The following ITGB4 variants were observed in gnomAD, a reference collection of about 807,000 sequenced individuals.
ITGB4 encodes the protein integrin subunit beta 4, also known as integrin beta-4.
ITGB4 carries 159 observed loss-of-function variants against 207.6 expected under a neutral mutation model. The observed-to-expected ratio is 0.77, with a 90% CI of 0.67 to 0.87. ITGB4 has a LOEUF of 0.87. ITGB4 is among the 40% of genes least tolerant of loss of function. ITGB4 has a pLI of 0.00. For synonymous variants in ITGB4, 1,020 were observed against 1,062.7 expected, an observed-to-expected ratio of 0.96 and a Z score of 0.78; for missense variants, 2,278 against 2,546.8, an observed-to-expected ratio of 0.89 and a Z score of 2.27.
At chr17:75,754,842 C>A (rs2061451994) in intron 34 of ITGB4, 27 bp downstream of exon 34, 1 of 1,613,862 alleles carries the variant, frequency 6.2e-7, no homozygotes, top group African/African-American at 1.3e-5. Flanking sequence ...AACCCTGCCT[C>A]TCCCACTAAC....
chr17:75,728,228 C>A, intron 5 of ITGB4, 149 bp from the exon 6 acceptor site: 1 of 698,558 alleles, frequency 1.4e-6, no homozygotes, highest in South Asian at 1.6e-5. Context: ...TAAATAGGAA[C>A]AGACAATGTT....
rs1325371277 is a variant in ITGB4 at position 75,739,063 on chromosome 17, A to G, written c.2221-609A>G. ...GTAACCCCAGCACTTTGGGAGGCCA[A>G]GGCGGGTGGATCACTTGAGGTCAGG... On this transcript the variant is annotated intron_variant, in intron 18 of 39. Coordinates refer to ENST00000200181, the MANE Select transcript of ITGB4 (RefSeq NM_000213.5). The surrounding 1 kb of genome is among the most constrained non-coding windows in gnomAD (Gnocchi z 5.4). Among the ~76,000 whole-genome samples the G allele has an allele frequency of 2.0e-5, 3 of 152,158 alleles. No homozygotes were observed. The highest frequency in any genetic ancestry group is 2.4e-5 in the African/African-American group (1 of 41,430).
intron 33 of ITGB4, among the ~76,000 whole-genome samples, 162 bp downstream of exon 33, chr17:75,754,136 AG>A (rs1388424649): frequency 6.6e-6 from 1 of 152,112 alleles, no homozygotes; most frequent in Admixed American, 6.5e-5. Flanking sequence ...GCCCAGTGCC[AG>A]GGGACGCGTG....
intron 1 of ITGB4, among the ~76,000 whole-genome samples, chr17:75,723,469 C>T (rs550177135): frequency 2.0e-5 from 3 of 152,286 alleles, no homozygotes; most frequent in East Asian, 1.9e-4. Context: ...GGCTACACCC[C>T]GAGGCTGCAA....
chr17:75,727,712 G>T lies in ITGB4; in HGVS notation c.326G>T (p.Arg109Leu), dbSNP rs1049605905. 6.2e-7 allele frequency: 1 copy of T among 1,613,204 alleles called. No individual in the cohort carries two copies. The highest frequency in any genetic ancestry group is 1.1e-5 in the South Asian group (1 of 90,940). ...ATGTCCCCCCAAGGCCTGCGGGTCC[G>T]TCTGCGGCCCGGTGAGGAGCGGCAT... is the stretch of plus-strand genomic sequence containing the variant. ...SQMSPQGLRV[R>L]LRPGEERHFE... The change falls in exon 5 of 40, where the codon CGT (arginine) becomes CTT (leucine). Residue 109 changes from arginine to leucine, a missense_variant. Transcript: ENST00000200181. The surrounding 1 kb of genome is among the most constrained non-coding windows in gnomAD (Gnocchi z 6.0).
chr17:75,751,136 G>A, intron 30 of ITGB4, 25 bp downstream of exon 30: 1 of 1,611,274 alleles, frequency 6.2e-7, no homozygotes, highest in Non-Finnish European at 8.5e-7. Context: ...CTTCTTTCCT[G>A]CCCACAGGGA....
chr17:75,740,111 C>A lies in ITGB4; in HGVS notation c.2446+40C>A. The A allele has an allele frequency of 6.4e-7, 1 of 1,573,726 alleles. No individual in the cohort carries two copies. Among genetic ancestry groups the A allele is most frequent in the Non-Finnish European group, 8.6e-7 (1 of 1,157,848 alleles). ...GGGCGCCACAGCTCTGGGCAGTGCC[C>A]TTCGGGCCCTCTGTTCCAGATCTGG... On this transcript the variant is annotated intron_variant, in intron 20 of 39. Coordinates refer to ENST00000200181, the MANE Select transcript of ITGB4 (RefSeq NM_000213.5). This position sits in a 1 kb window ranked among gnomAD's most constrained non-coding sequence, Gnocchi z 5.9.
chr17:75,744,219 C>A (rs1204184927), intron 26 of ITGB4, among the ~76,000 whole-genome samples: 1 of 149,926 alleles, frequency 6.7e-6, no homozygotes, highest in Non-Finnish European at 1.5e-5. Context: ...CTCTCGGGTT[C>A]AAGCGATTCT....
At position 75,729,767 on chromosome 17, in the gene ITGB4, G is replaced by A. The variant is rs1221171307; in HGVS notation, c.738+331G>A. ...AGCTGCCCAGACTCCACCTGTTCTG[G>A]GCATCCAAATAAGCCATTTCCTTTG... On this transcript the variant is annotated intron_variant, in intron 7 of 39. Coordinates refer to ENST00000200181, the MANE Select transcript of ITGB4 (RefSeq NM_000213.5). This position sits in a 1 kb window ranked among gnomAD's most constrained non-coding sequence, Gnocchi z 4.4. Among the ~76,000 whole-genome samples, 1 of 152,196 alleles carries A rather than the reference G, an allele frequency of 6.6e-6. No homozygotes were observed. Among genetic ancestry groups the A allele is most frequent in the Non-Finnish European group, 1.5e-5 (1 of 68,026 alleles).
Position 75,757,687 on chromosome 17 carries a change from T to A in ITGB4, c.*132T>A, listed in dbSNP as rs773180511. The A allele has an allele frequency of 1.5e-6, 2 of 1,299,452 alleles. No individual in the cohort carries two copies. The highest frequency in any genetic ancestry group is 4.7e-5 in the East Asian group (2 of 42,116). The allele number at this position is 1,299,452 out of a possible 1,614,324, so 80.5% of individuals were successfully genotyped here. The stretch of plus-strand genomic sequence containing the variant: ...CCGCATGCACAGAGCAGGGGCTAGG[T>A]GTCTCCTGGGAGGCATGAAGGGGGC... On this transcript the variant is annotated 3_prime_UTR_variant, in exon 40 of 40. Coordinates refer to ENST00000200181, the MANE Select transcript of ITGB4 (RefSeq NM_000213.5).
Position 75,750,353 on chromosome 17 carries a change from G to C in ITGB4, c.3474+85G>C. On this transcript the variant is annotated intron_variant, in intron 28 of 39. Transcript: ENST00000200181. The surrounding 1 kb of genome is among the most constrained non-coding windows in gnomAD (Gnocchi z 5.5). The stretch of plus-strand genomic sequence containing the variant: ...AGAAGAGGTGGGCCGTCCAAGGCCA[G>C]GGCCCCCTGAGAGAGAGCAGACAGT... 7.2e-7 allele frequency: 1 copy of C among 1,382,852 alleles called. No homozygotes were observed. Among genetic ancestry groups the C allele is most frequent in the Non-Finnish European group, 9.9e-7 (1 of 1,011,804 alleles). 85.7% of individuals were successfully genotyped at this position (1,382,852 alleles called of 1,614,324 possible).
chr17:75,736,437 G>A, intron 15 of ITGB4, 51 bp downstream of exon 15: 1 of 1,609,724 alleles, frequency 6.2e-7, no homozygotes, highest in Non-Finnish European at 8.5e-7. Flanking sequence ...CAGGCACAGG[G>A]CAGTGTGGGC....
rs1421889039 is a variant in ITGB4, at chr17:75,750,416, G to A, written c.3474+148G>A. On this transcript the variant is annotated intron_variant, in intron 28 of 39. Transcript: ENST00000200181. The surrounding 1 kb of genome is among the most constrained non-coding windows in gnomAD (Gnocchi z 5.5). ...AGGTGGTCAGAGGGAAACCCGGTCT[G>A]TGCTGGGAAAGAGGGAAGACCCATT... The A allele has an allele frequency of 2.2e-6, 2 of 930,106 alleles. No homozygotes were observed. The highest frequency in any genetic ancestry group is 5.3e-5 in the East Asian group (2 of 37,868). 57.6% of individuals were successfully genotyped at this position (930,106 alleles called of 1,614,324 possible). A position where few individuals can be genotyped will look rare whatever the true frequency, so the allele number is the denominator to read the frequency against.
At chr17:75,752,626 C>T in intron 32 of ITGB4, 49 bp downstream of exon 32, 1 of 1,609,288 alleles carries the variant, frequency 6.2e-7, no homozygotes, top group African/African-American at 1.3e-5. Context: ...GTCTTGGGTA[C>T]AGAGTGAGTC....
intron 32 of ITGB4, 41 bp downstream of exon 32, chr17:75,752,618 C>T: frequency 6.2e-7 from 1 of 1,611,832 alleles, no homozygotes; most frequent in Non-Finnish European, 8.5e-7. Context: ...CAGTGGGGGT[C>T]TTGGGTACAG....
chr17:75,740,871 G>T lies in ITGB4; in HGVS notation c.2609+20G>T, dbSNP rs2061092721. 3.7e-6 allele frequency: 6 copies of T among 1,613,494 alleles called. No individual in the cohort carries two copies. Among genetic ancestry groups the T allele is most frequent in the Non-Finnish European group, 5.1e-6 (6 of 1,180,000 alleles). On this transcript the variant is annotated intron_variant, in intron 22 of 39. Transcript: ENST00000200181. This position sits in a 1 kb window ranked among gnomAD's most constrained non-coding sequence, Gnocchi z 5.9. The stretch of plus-strand genomic sequence containing the variant: ...GTTCCGGTGAGTCCCGGGGTGCCCG[G>T]GTTGGGTGGGGGAGCCGCTCCTACC...
Position 75,730,509 on chromosome 17 carries a change from G to C in ITGB4, c.1002+5G>C. ...TACTCCTATAGCTACTACGAGGTGCGGGGCCCAGGTCCCACGGGTGGGAGG... is the reference window on the plus strand; with the variant it reads ...TACTCCTATAGCTACTACGAGGTGCCGGGCCCAGGTCCCACGGGTGGGAGG... On this transcript the variant is annotated splice_donor_5th_base_variant and intron_variant, in intron 8 of 39. Transcript: ENST00000200181. 1.9e-6 allele frequency: 3 copies of C among 1,613,528 alleles called. No individual in the cohort carries two copies. Among genetic ancestry groups the C allele is most frequent in the Non-Finnish European group, 2.5e-6 (3 of 1,180,012 alleles).
chr17:75,740,885 G>T lies in ITGB4; in HGVS notation c.2609+34G>T. ...CGGGGTGCCCGGGTTGGGTGGGGGA[G>T]CCGCTCCTACCGGGACTCCAGGAGC... On this transcript the variant is annotated intron_variant, in intron 22 of 39. Coordinates refer to ENST00000200181, the MANE Select transcript of ITGB4 (RefSeq NM_000213.5). The surrounding 1 kb of genome is among the most constrained non-coding windows in gnomAD (Gnocchi z 5.9). 6.2e-7 allele frequency: 1 copy of T among 1,613,282 alleles called. No individual in the cohort carries two copies. The highest frequency in any genetic ancestry group is 1.3e-5 in the African/African-American group (1 of 75,044).
Position 75,750,646 on chromosome 17 carries a change from C to A in ITGB4, c.3475-34C>A. 6.2e-7 allele frequency: 1 copy of A among 1,605,890 alleles called. No individual in the cohort carries two copies. ...ACAGGCAGCTTGGGTGCCTGCTGCTCCCTGCTGACCAGGACCCCTGTCCCT... is the reference window on the plus strand; with the variant it reads ...ACAGGCAGCTTGGGTGCCTGCTGCTACCTGCTGACCAGGACCCCTGTCCCT... On this transcript the variant is annotated intron_variant, in intron 28 of 39. Coordinates refer to ENST00000200181, the MANE Select transcript of ITGB4 (RefSeq NM_000213.5). The surrounding 1 kb of genome is among the most constrained non-coding windows in gnomAD (Gnocchi z 5.5).
Sources: gnomAD v4.1 joint callset for allele counts (sites outside exome capture counted in the v4.1 genomes callset) on GRCh38, gnomAD v4.1.1 for gene constraint, Gnocchi (gnomAD v3.1) non-coding constraint, MANE v1.5 for transcripts, NCBI Gene and HGNC (gene_info 2026-07-23, HGNC 2026-07-21) for gene names.